The following DOCK10 variants were observed in gnomAD, a reference collection of about 807,000 sequenced individuals.
The protein encoded by DOCK10 is dedicator of cytokinesis protein 10.
Under a neutral mutation model 280.1 loss-of-function variants are expected in DOCK10, and 145 were observed. That is an observed-to-expected ratio of 0.52 (90% CI 0.45 to 0.59). The LOEUF is 0.59. DOCK10 is among the 20% of genes least tolerant of loss of function. DOCK10 has a pLI of 0.00. For missense variants in DOCK10, 2,368 were observed against 2,651.7 expected (o/e 0.89, Z 2.35); for synonymous variants, 915 against 942.2 (o/e 0.97, Z 0.53).
At chr2:225,038,642 TAAC>T (rs950929893) in intron 1 of DOCK10, among the ~76,000 whole-genome samples, 2 of 152,160 alleles carry the variant, frequency 1.3e-5, no homozygotes, top group Non-Finnish European at 1.5e-5. Flanking sequence ...AATGAGTTAA[TAAC>T]AAAATTAGAT....
chr2:224,861,885 C>A (rs1384157009), intron 14 of DOCK10: 1 of 152,236 alleles, frequency 6.6e-6, no homozygotes, highest in Non-Finnish European at 1.5e-5. Context: ...CGTGAGCTAC[C>A]ATGCCCGGCT....
At chr2:224,935,041 T>C (rs1296056141) in intron 1 of DOCK10, among the ~76,000 whole-genome samples, 2 of 152,104 alleles carry the variant, frequency 1.3e-5, no homozygotes, top group African/African-American at 2.4e-5. Context: ...TCCACAGCTC[T>C]CCTCCAAATC....
In DOCK10 at chr2:224,834,226, A is replaced by G. The variant is rs1325727502; in HGVS notation, c.2888T>C (p.Val963Ala). ...FKTRACKERT[V>A]HEELAKNVTG... ...CACATTTTTAGCCAGTTCCTCATGT[A>G]CAGTCCTCTCCTTGCATGCCCTGGT... Residue 963 changes from valine (V) to alanine (A), a missense_variant, in exon 26 of 56, where the codon GTA (valine) becomes GCA (alanine). Val to Ala is a moderately conservative substitution (Grantham distance 64, BLOSUM62 0). Around this residue, in one of 2 missense-constraint regions of DOCK10, gnomAD observed 1,209 missense variants for 1,250.9 expected, o/e 0.97. Transcript: ENST00000258390. 5.0e-6 allele frequency: 8 copies of G among 1,613,214 alleles called. No homozygotes were observed. Among genetic ancestry groups the G allele is most frequent in the Admixed American group, 3.3e-5 (2 of 59,982 alleles).
At chr2:224,858,562 G>A (rs1468558633) in intron 14 of DOCK10, among the ~76,000 whole-genome samples, 1 of 152,176 alleles carries the variant, frequency 6.6e-6, no homozygotes, top group Non-Finnish European at 1.5e-5. Flanking sequence ...GCTGAGGCAG[G>A]AGAATCGCTT....
intron 2 of DOCK10, among the ~76,000 whole-genome samples, chr2:224,920,114 C>T (rs901276670): frequency 7.2e-5 from 11 of 152,106 alleles, no homozygotes; most frequent in African/African-American, 2.7e-4. Context: ...ATTCTGTTGG[C>T]CAGGTTGCAG....
intron 1 of DOCK10, among the ~76,000 whole-genome samples, chr2:224,983,127 G>A (rs1705831949): frequency 6.6e-6 from 1 of 152,174 alleles, no homozygotes; most frequent in African/African-American, 2.4e-5. Context: ...AGGTCACTGA[G>A]CAAGCTCCGC....
intron 1 of DOCK10, among the ~76,000 whole-genome samples, chr2:224,997,660 G>C (rs1706312606): frequency 2.0e-5 from 3 of 152,074 alleles, no homozygotes; most frequent in Non-Finnish European, 4.4e-5. Context: ...CTGATGGAGG[G>C]CGGGAGGAGA....
rs1421780594 is a variant in DOCK10 at position 224,998,245 on chromosome 2, A to G, written c.123+44007T>C. 5.9e-5 allele frequency among the ~76,000 whole-genome samples: 9 copies of G among 152,162 alleles called. No individual in the cohort carries two copies. In the East Asian group the frequency reaches 1.7e-3, roughly 29 times the overall value. On this transcript the variant is annotated intron_variant, in intron 1 of 55. Transcript: ENST00000258390. ...GAAATATGCCAAATGTAAGTTTTTAATACATTTTCTTAATATTTTGCCTCT... is the reference window on the plus strand; with the variant it reads ...GAAATATGCCAAATGTAAGTTTTTAGTACATTTTCTTAATATTTTGCCTCT...
rs538824319 is a variant in DOCK10 at position 224,784,716 on chromosome 2, C to T, written c.5655+2306G>A. On this transcript the variant is annotated intron_variant, in intron 50 of 55. Coordinates refer to ENST00000258390, the MANE Select transcript of DOCK10 (RefSeq NM_014689.3). ...GGTGTTAGAGCATGCAAATGGAGAG[C>T]GAGAGTGAGTGAGAACTTACCACAG... 2.6e-5 allele frequency: 33 copies of T among 1,289,570 alleles called. No homozygotes were observed. In the African/African-American group the frequency reaches 4.1e-4, roughly 16 times the overall value. 79.9% of individuals were successfully genotyped at this position (1,289,570 alleles called of 1,614,324 possible).
rs751313391 is a variant in DOCK10, at chr2:224,917,478, C to T, written c.244-694G>A. On this transcript the variant is annotated intron_variant, in intron 2 of 55. Coordinates refer to ENST00000258390, the MANE Select transcript of DOCK10 (RefSeq NM_014689.3). ...TAATATCGTAAATAATCTCAAATAT[C>T]AAAGGATAAACACAGTCCCTTTTAG... 4.7e-4 allele frequency among the ~76,000 whole-genome samples: 71 copies of T among 151,940 alleles called. 1 individual carries two copies. Among genetic ancestry groups the T allele is most frequent in the Non-Finnish European group, 9.3e-4 (63 of 68,004 alleles).
chr2:224,964,484 T>C (rs1201499056), intron 1 of DOCK10, among the ~76,000 whole-genome samples: 1 of 26,466 alleles, frequency 3.8e-5, no homozygotes, highest in Non-Finnish European at 1.1e-4. Flanking sequence ...TTCTTTCTTC[T>C]TTTTTTTTTC....
At chr2:224,922,487 A>G (rs1701818287) in intron 2 of DOCK10, among the ~76,000 whole-genome samples, 1 of 152,166 alleles carries the variant, frequency 6.6e-6, no homozygotes, top group Admixed American at 6.5e-5. Flanking sequence ...TTTCATAAGG[A>G]GCCTATCTAT....
intron 31 of DOCK10, among the ~76,000 whole-genome samples, chr2:224,813,167 C>T (rs1475253788): frequency 6.6e-6 from 1 of 152,154 alleles, no homozygotes; most frequent in African/African-American, 2.4e-5. Context: ...ATACATATAT[C>T]AAAACATGTT....
intron 31 of DOCK10, among the ~76,000 whole-genome samples, chr2:224,809,136 C>A (rs1693601262): frequency 6.6e-6 from 1 of 151,874 alleles, no homozygotes; most frequent in Non-Finnish European, 1.5e-5. Context: ...AAATTTTGAG[C>A]CTGAATTACA....
At chr2:224,792,852 TG>T in intron 47 of DOCK10, 121 bp downstream of exon 47, 1 of 683,228 alleles carries the variant, frequency 1.5e-6, no homozygotes, top group Non-Finnish European at 2.4e-6. Context: ...CAGAGTAAGT[TG>T]GGTAGATCTG....
At chr2:224,953,754 T>C (rs994834723) in intron 1 of DOCK10, among the ~76,000 whole-genome samples, 3 of 152,222 alleles carry the variant, frequency 2.0e-5, no homozygotes, top group African/African-American at 7.2e-5. Context: ...ATGGCGCTAC[T>C]AAAAATGATG....
At chr2:225,015,139 G>C (rs527526260) in intron 1 of DOCK10, among the ~76,000 whole-genome samples, 3 of 152,242 alleles carry the variant, frequency 2.0e-5, no homozygotes, top group African/African-American at 7.2e-5. Flanking sequence ...TGAATTTAGT[G>C]CATGTTACAA....
At position 224,850,368 on chromosome 2, in the gene DOCK10, G is replaced by T. The variant is rs115479923; in HGVS notation, c.2143-769C>A. Among the ~76,000 whole-genome samples, 92 of 152,184 alleles carry T rather than the reference G, an allele frequency of 6.0e-4. 1 individual carries two copies. Among genetic ancestry groups the T allele is most frequent in the South Asian group, 1.5e-3 (7 of 4,812 alleles). ...CCAAATACACTGTTGAAGAAGTTAT[G>T]AATTGAACAATTATGAGGGTCTGAA... On this transcript the variant is annotated intron_variant, in intron 18 of 55. Coordinates refer to ENST00000258390, the MANE Select transcript of DOCK10 (RefSeq NM_014689.3).
intron 1 of DOCK10, among the ~76,000 whole-genome samples, chr2:225,018,092 A>G (rs1176950991): frequency 1.3e-5 from 2 of 152,204 alleles, no homozygotes; most frequent in African/African-American, 4.8e-5. Context: ...GCATTAAGGA[A>G]TATTATACCA....
Sources: allele counts gnomAD v4.1 joint callset (sites outside exome capture counted in the v4.1 genomes callset), GRCh38; gene constraint gnomAD v4.1.1; regional missense constraint gnomAD v4.1.1; transcripts MANE v1.5; gene names NCBI Gene and HGNC (gene_info 2026-07-23, HGNC 2026-07-21).